The following SLC35E2B variants were observed in gnomAD, a reference collection of about 807,000 sequenced individuals.
The protein encoded by SLC35E2B is solute carrier family 35, member E2B.
A neutral mutation model predicts 32.4 loss-of-function variants in SLC35E2B; 18 were observed. That is an observed-to-expected ratio of 0.56 (90% CI 0.38 to 0.82). The LOEUF (loss-of-function observed/expected upper bound fraction) is 0.82. Ranked by LOEUF, SLC35E2B falls within the 40% of genes least tolerant of loss-of-function variation. The probability of loss-of-function intolerance (pLI) is 0.00; values close to 1 mark genes in which losing one functional copy is unlikely to be tolerated. For missense variants in SLC35E2B, 263 were observed against 469.5 expected (o/e 0.56, Z 4.06); for synonymous variants, 132 against 209.1 (o/e 0.63, Z 3.18).
chr1:1,691,504 C>T (rs1204611711), intron 1 of SLC35E2B, 111 bp from the exon 2 acceptor site: 1 of 139,686 alleles, frequency 7.2e-6, no homozygotes, highest in Non-Finnish European at 1.5e-5. Context: ...CTTTGCACCT[C>T]GTCCAACTGT....
At chr1:1,675,336 C>A (rs1643815067) in intron 5 of SLC35E2B, 127 bp downstream of exon 5, 2 of 684,588 alleles carry the variant, frequency 2.9e-6, no homozygotes, top group Non-Finnish European at 5.0e-6. Context: ...GAAGGCACTG[C>A]CAGTGTGGGC....
In SLC35E2B at chr1:1,665,362, A is replaced by G. The variant is rs1202792603; in HGVS notation, c.*420T>C. On this transcript the variant is annotated 3_prime_UTR_variant, in exon 10 of 10. Transcript: ENST00000617444. ...CCCAGGGCCAGTCTGCCGCCGGTCC[A>G]GGGCCTCAGGGCCTTCGATGGCTGG... 1.4e-5 allele frequency: 6 copies of G among 417,374 alleles called. No homozygotes were observed. In the Admixed American group the frequency reaches 2.1e-4, roughly 14 times the overall value. 25.9% of individuals were successfully genotyped at this position (417,374 alleles called of 1,614,324 possible). A position where few individuals can be genotyped will look rare whatever the true frequency, so the allele number is the denominator to read the frequency against.
At position 1,687,004 on chromosome 1, in the gene SLC35E2B, T is replaced by G. The variant is rs1173277726; in HGVS notation, c.-148+3972A>C. 2.0e-5 allele frequency among the ~76,000 whole-genome samples: 3 copies of G among 150,448 alleles called. 1 individual carries two copies. Among genetic ancestry groups the G allele is most frequent in the African/African-American group, 7.4e-5 (3 of 40,736 alleles). ...CCAGGAGGCGGAGCTTGCAGTGAGC[T>G]GAGATCGTGCCACTGCACTCCAGCC... On this transcript the variant is annotated intron_variant, in intron 2 of 9. Transcript: ENST00000617444.
chr1:1,675,385 G>A, intron 5 of SLC35E2B, 78 bp downstream of exon 5: 4 of 1,433,158 alleles, frequency 2.8e-6, no homozygotes, highest in Admixed American at 2.5e-5. Flanking sequence ...CCCCATGGCA[G>A]GCAGCAGAGA....
chr1:1,663,717 C>G lies in SLC35E2B; in HGVS notation c.*2065G>C, dbSNP rs1643466623. ...AACTCCTGGCCTTGTGATCCGCCAG[C>G]TGCTGCCTCCCAAAGTGCTGCGATT... On this transcript the variant is annotated 3_prime_UTR_variant, in exon 10 of 10. Transcript: ENST00000617444. 1 of 485,658 alleles carries G rather than the reference C, an allele frequency of 2.1e-6. No individual in the cohort carries two copies. Among genetic ancestry groups the G allele is most frequent in the South Asian group, 7.7e-5 (1 of 12,980 alleles). 30.1% of individuals were successfully genotyped at this position (485,658 alleles called of 1,614,324 possible). A position where few individuals can be genotyped will look rare whatever the true frequency, so the allele number is the denominator to read the frequency against.
At position 1,683,875 on chromosome 1, in the gene SLC35E2B, C is replaced by G. The variant is rs566409851; in HGVS notation, c.-147-7029G>C. Among the ~76,000 whole-genome samples, 4 of 152,268 alleles carry G rather than the reference C, an allele frequency of 2.6e-5. No homozygotes were observed. The East Asian group carries it at 7.7e-4, about 29-fold the overall frequency. ...AACAAAGACCAAACACATTTCATAT[C>G]AGAGCACAAGTGCAAAACATCATGG... On this transcript the variant is annotated intron_variant, in intron 2 of 9. Coordinates refer to ENST00000617444, the MANE Select transcript of SLC35E2B (RefSeq NM_001290264.2).
intron 2 of SLC35E2B, among the ~76,000 whole-genome samples, chr1:1,684,968 G>A (rs570327268): frequency 2.0e-5 from 3 of 151,658 alleles, no homozygotes; most frequent in East Asian, 1.9e-4. Context: ...TTAGCCGGGC[G>A]TGGTGGCGCA....
At chr1:1,666,055 G>A (rs1194649459) in intron 9 of SLC35E2B, 36 bp from the exon 10 acceptor site, 1 of 1,534,166 alleles carries the variant, frequency 6.5e-7, no homozygotes, top group East Asian at 2.5e-5. Context: ...GGGCGCTCAG[G>A]GCTATGGTCT....
chr1:1,675,509 G>A lies in SLC35E2B; in HGVS notation c.540C>T (p.Pro180=). 2.5e-6 allele frequency: 4 copies of A among 1,585,682 alleles called. No homozygotes were observed. Among genetic ancestry groups the A allele is most frequent in the Non-Finnish European group, 3.4e-6 (4 of 1,164,834 alleles). The change falls in exon 5 of 10, where the codon CCC becomes CCT. Residue 180 remains proline (P), a synonymous_variant. Transcript: ENST00000617444. ...SFAETVKSSA[P]IFTVIMSRMI... ...TCCGAGACATGATCACCGTGAAGAT[G>A]GGGGCGGAGCTCTTCACCGTCTCAG... is the stretch of plus-strand genomic sequence containing the variant.
intron 5 of SLC35E2B, among the ~76,000 whole-genome samples, chr1:1,673,585 A>G (rs552325339): frequency 2.6e-5 from 4 of 152,122 alleles, no homozygotes; most frequent in Admixed American, 1.3e-4. Context: ...CAGGAGAATC[A>G]CTTGAACCCG....
rs112577365 is a variant in SLC35E2B at position 1,673,705 on chromosome 1, G to A, written c.586+1758C>T. Among the ~76,000 whole-genome samples, 1,415 of 151,600 alleles carry A rather than the reference G, an allele frequency of 9.3e-3. 22 individuals are homozygous for A. The highest frequency in any genetic ancestry group is 0.031 in the African/African-American group (1,294 of 41,308). ...GGGCCGGCTGTGGTGGCTAACACCT[G>A]TAATCCCAGCACTTTGGGAGGCTGA... On this transcript the variant is annotated intron_variant, in intron 5 of 9. Transcript: ENST00000617444.
Position 1,665,651 on chromosome 1 carries a change from A to G in SLC35E2B, c.*131T>C. 2 of 1,386,278 alleles carry G rather than the reference A, an allele frequency of 1.4e-6. No homozygotes were observed. Among genetic ancestry groups the G allele is most frequent in the Non-Finnish European group, 1.9e-6 (2 of 1,050,864 alleles). The allele number at this position is 1,386,278 out of a possible 1,614,324, so 85.9% of individuals were successfully genotyped here. On this transcript the variant is annotated 3_prime_UTR_variant, in exon 10 of 10. Transcript: ENST00000617444. Reference sequence around the variant, plus strand: ...TGCTGGTCTTCACCGACAAACCGAGAAAGCCGCAGGCAATGGCCAACTTAG... The same window carrying G: ...TGCTGGTCTTCACCGACAAACCGAGGAAGCCGCAGGCAATGGCCAACTTAG...
chr1:1,673,589 G>A (rs953025599), intron 5 of SLC35E2B, among the ~76,000 whole-genome samples: 6 of 152,102 alleles, frequency 3.9e-5, no homozygotes, highest in Admixed American at 3.9e-4. Context: ...AGAATCACTT[G>A]AACCCGGGAG....
At chr1:1,683,915 TCA>T (rs750777475) in intron 2 of SLC35E2B, among the ~76,000 whole-genome samples, 3 of 152,156 alleles carry the variant, frequency 2.0e-5, no homozygotes, top group Non-Finnish European at 4.4e-5. Flanking sequence ...AAACAGGGTC[TCA>T]GAGTCCTCCA....
chr1:1,686,321 C>CTTTTTT (rs375495225), intron 2 of SLC35E2B, among the ~76,000 whole-genome samples: 1 of 127,790 alleles, frequency 7.8e-6, no homozygotes, highest in Non-Finnish European at 1.6e-5. Flanking sequence ...CTTTTTTTTT[C>CTTTTTT]TTTTTTTTTT....
At chr1:1,687,608 G>A (rs191142227) in intron 2 of SLC35E2B, among the ~76,000 whole-genome samples, 2,163 of 152,044 alleles carry the variant, frequency 0.014, 30 homozygotes, top group Non-Finnish European at 0.023. Context: ...GGTGGCAGGC[G>A]CCTGTAGTCC....
rs969024775 is a variant in SLC35E2B, at chr1:1,678,679, G to A, written c.-147-1833C>T. ...ATAACAAAGGACTCATCCACTCCTC[G>A]GGCCACTGACAGTGCCAGATCTCCA... On this transcript the variant is annotated intron_variant, in intron 2 of 9. Transcript: ENST00000617444. Among the ~76,000 whole-genome samples, 15 of 151,728 alleles carry A rather than the reference G, an allele frequency of 9.9e-5. No individual in the cohort carries two copies. In the East Asian group the frequency reaches 1.7e-3, roughly 18 times the overall value.
At chr1:1,682,913 C>T (rs2101113605) in intron 2 of SLC35E2B, among the ~76,000 whole-genome samples, 1 of 152,098 alleles carries the variant, frequency 6.6e-6, no homozygotes, top group South Asian at 2.1e-4. Context: ...CCCGTCTCTA[C>T]TAAAAATATA....
At chr1:1,688,418 A>G (rs1162586868) in intron 2 of SLC35E2B, among the ~76,000 whole-genome samples, 1 of 151,840 alleles carries the variant, frequency 6.6e-6, no homozygotes, top group Non-Finnish European at 1.5e-5. Flanking sequence ...CCTCCTGGCC[A>G]ACACAGTCAA....
Sources: gnomAD v4.1 joint callset for allele counts (sites outside exome capture counted in the v4.1 genomes callset) on GRCh38, gnomAD v4.1.1 for gene constraint, MANE v1.5 for transcripts, NCBI Gene and HGNC (gene_info 2026-07-23, HGNC 2026-07-21) for gene names.